SRPK2: variants seen among roughly 807,000 people sequenced by gnomAD.
The protein encoded by SRPK2 is SRSF protein kinase 2, also known as SFRS protein kinase 2.
Under a neutral mutation model 90.8 loss-of-function variants are expected in SRPK2, and 21 were observed. The ratio of observed to expected loss-of-function variants is 0.23; its 90% CI spans 0.16 to 0.33. The LOEUF (loss-of-function observed/expected upper bound fraction) is 0.33. Ranked by LOEUF, SRPK2 falls within the 10% of genes least tolerant of loss-of-function variation. The pLI, the probability that SRPK2 is intolerant of heterozygous loss-of-function variation, is 1.00. For synonymous variants in SRPK2, 288 were observed against 311.1 expected, an observed-to-expected ratio of 0.93 and a Z score of 0.78; for missense variants, 620 against 869.0, an observed-to-expected ratio of 0.71 and a Z score of 3.60.
chr7:105,383,942 T>C (rs1563316932), intron 2 of SRPK2, among the ~76,000 whole-genome samples: 1 of 152,168 alleles, frequency 6.6e-6, no homozygotes, highest in South Asian at 2.1e-4. Context: ...TGTAAATTAG[T>C]TGTTGCCAAC....
intron 11 of SRPK2, among the ~76,000 whole-genome samples, chr7:105,139,835 A>G (rs553094312): frequency 7.9e-5 from 12 of 152,166 alleles, no homozygotes; most frequent in Admixed American, 7.8e-4. Flanking sequence ...AGGCTCAGAC[A>G]GGGTAAGAAA....
rs958896221 is a variant in SRPK2, at chr7:105,340,121, T to C, written c.71+48527A>G. Among the ~76,000 whole-genome samples the C allele has an allele frequency of 2.6e-5, 4 of 152,138 alleles. No individual in the cohort carries two copies. In the East Asian group the frequency reaches 7.7e-4, roughly 29 times the overall value. ...ACTATAACGATAGTCATTATATGCTTCATCATCATTTTTTAAGTGTCTGTA... is the reference window on the plus strand; with the variant it reads ...ACTATAACGATAGTCATTATATGCTCCATCATCATTTTTTAAGTGTCTGTA... On this transcript the variant is annotated intron_variant, in intron 2 of 15. Coordinates refer to ENST00000393651, the MANE Select transcript of SRPK2 (RefSeq NM_182692.3).
intron 2 of SRPK2, among the ~76,000 whole-genome samples, chr7:105,251,289 TC>T (rs1387511840): frequency 6.6e-6 from 1 of 152,226 alleles, no homozygotes; most frequent in African/African-American, 2.4e-5. Context: ...CAAGGGTTCC[TC>T]TAGAGAAGTC....
chr7:105,160,413 T>A, intron 7 of SRPK2, 94 bp downstream of exon 7: 1 of 691,812 alleles, frequency 1.4e-6, no homozygotes. Flanking sequence ...CACTGATACA[T>A]ATGTAATACA....
intron 2 of SRPK2, among the ~76,000 whole-genome samples, chr7:105,371,925 G>A (rs1819732900): frequency 6.6e-6 from 1 of 152,006 alleles, no homozygotes; most frequent in Non-Finnish European, 1.5e-5. Context: ...ACGAGGTCAG[G>A]AGATCGAGAC....
At chr7:105,328,814 G>C (rs184565166) in intron 2 of SRPK2, among the ~76,000 whole-genome samples, 1 of 149,456 alleles carries the variant, frequency 6.7e-6, no homozygotes, top group Admixed American at 6.7e-5. Flanking sequence ...GCAGTGAGCC[G>C]AGATTGTGCC....
At chr7:105,179,422 A>T (rs916480697) in intron 3 of SRPK2, among the ~76,000 whole-genome samples, 3 of 152,210 alleles carry the variant, frequency 2.0e-5, no homozygotes, top group African/African-American at 7.2e-5. Flanking sequence ...AGTATTGTCT[A>T]TGGCTATTTA....
chr7:105,230,525 G>T (rs2237616), intron 2 of SRPK2, among the ~76,000 whole-genome samples: 27,597 of 152,074 alleles, frequency 0.18, 3,165 homozygotes, highest in East Asian at 0.58. Flanking sequence ...GATGAAGAAA[G>T]AAAGACAGGA....
At chr7:105,312,360 AAC>A (rs2131401428) in intron 2 of SRPK2, among the ~76,000 whole-genome samples, 1 of 141,192 alleles carries the variant, frequency 7.1e-6, no homozygotes, top group East Asian at 2.4e-4. Flanking sequence ...GAATCGTTTG[AAC>A]CCAGGAGGCG....
At chr7:105,329,867 T>TA (rs1027844467) in intron 2 of SRPK2, among the ~76,000 whole-genome samples, 41 of 146,610 alleles carry the variant, frequency 2.8e-4, no homozygotes, top group South Asian at 8.7e-4. Flanking sequence ...CCGTCTCTAC[T>TA]AAAAAAAAAA....
At chr7:105,341,357 CAAAAAAAAAAA>C (rs746893526) in intron 2 of SRPK2, among the ~76,000 whole-genome samples, 2 of 66,774 alleles carry the variant, frequency 3.0e-5, no homozygotes, top group Non-Finnish European at 5.5e-5. Flanking sequence ...GACTCCGTCT[CAAAAAAAAAAA>C]AAAAAAAAAA....
intron 3 of SRPK2, among the ~76,000 whole-genome samples, chr7:105,182,207 G>A (rs1408599618): frequency 6.9e-6 from 1 of 143,946 alleles, no homozygotes; most frequent in Non-Finnish European, 1.5e-5. Flanking sequence ...CTCCAGCCTG[G>A]GCAACAAGTG....
intron 3 of SRPK2, among the ~76,000 whole-genome samples, chr7:105,182,296 C>A (rs565076393): frequency 6.7e-6 from 1 of 149,684 alleles, no homozygotes; most frequent in East Asian, 2.0e-4. Flanking sequence ...AAAGCCCTGA[C>A]GTAAAAAAGG....
chr7:105,391,580 C>A (rs1455960262), upstream of SRPK2, among the ~76,000 whole-genome samples: 3 of 152,060 alleles, frequency 2.0e-5, no homozygotes, highest in Non-Finnish European at 2.9e-5. Context: ...GAGGCTGAGG[C>A]TGGAGGATCA....
chr7:105,229,508 G>A (rs1799165030), intron 2 of SRPK2, among the ~76,000 whole-genome samples: 1 of 151,738 alleles, frequency 6.6e-6, no homozygotes, highest in African/African-American at 2.4e-5. Context: ...AAAAAATCCA[G>A]ACATCTAAAT....
intron 2 of SRPK2, chr7:105,204,602 G>T: frequency 1.7e-6 from 1 of 572,448 alleles, no homozygotes; most frequent in South Asian, 1.6e-5. Context: ...CGCTGAAGAT[G>T]ACGGCTGCTG....
intron 1 of SRPK2, among the ~76,000 whole-genome samples, chr7:105,396,456 C>T (rs970692433): frequency 1.3e-5 from 2 of 151,488 alleles, no homozygotes; most frequent in Non-Finnish European, 2.9e-5. Flanking sequence ...GCTAACACGG[C>T]GAAATCTCAT....
intron 7 of SRPK2, among the ~76,000 whole-genome samples, chr7:105,148,452 T>G (rs2129577997): frequency 6.6e-6 from 1 of 152,344 alleles, no homozygotes; most frequent in South Asian, 2.1e-4. Flanking sequence ...TTATTTCCAC[T>G]GGAGAATAAT....
intron 3 of SRPK2, among the ~76,000 whole-genome samples, chr7:105,177,419 G>A (rs1792115179): frequency 6.6e-6 from 1 of 152,086 alleles, no homozygotes. Flanking sequence ...TAAAACCTTA[G>A]CATATTTGTT....
Sources: gnomAD v4.1 joint callset for allele counts (sites outside exome capture counted in the v4.1 genomes callset) on GRCh38, gnomAD v4.1.1 for gene constraint, MANE v1.5 for transcripts, NCBI Gene and HGNC (gene_info 2026-07-23, HGNC 2026-07-21) for gene names.